The following SETBP1 variants were observed in gnomAD, a reference collection of about 807,000 sequenced individuals.
The protein encoded by SETBP1 is SET binding protein 1.
Under a neutral mutation model 101.0 loss-of-function variants are expected in SETBP1, and 9 were observed. That is an observed-to-expected ratio of 0.09 (90% confidence interval 0.05 to 0.16). SETBP1 has a LOEUF of 0.16. Ranked by LOEUF, SETBP1 falls within the 10% of genes least tolerant of loss-of-function variation. SETBP1 has a pLI of 1.00. For missense variants in SETBP1, 1,858 were observed against 2,033.8 expected (o/e 0.91, Z 1.66); for synonymous variants, 818 against 788.5 (o/e 1.04, Z -0.63).
At position 44,869,281 on chromosome 18, in the gene SETBP1, C is replaced by G; in HGVS notation, c.538C>G (p.Gln180Glu). 1.2e-6 allele frequency: 2 copies of G among 1,613,844 alleles called. No individual in the cohort carries two copies. The highest frequency in any genetic ancestry group is 1.7e-6 in the Non-Finnish European group (2 of 1,179,738). The stretch of plus-strand genomic sequence containing the variant: ...CAGTGACCTCAAAGGATTTCAGCCA[C>G]AGGTAAGTTCCACTGATGCTTTTAA... ...AASDLKGFQPQAYERPQKHST... is the reference protein window; with the variant it reads ...AASDLKGFQPEAYERPQKHST... Residue 180 changes from glutamine to glutamate, a missense_variant and splice_region_variant, in exon 3 of 6, where the codon CAG (glutamine) becomes GAG (glutamate). Physicochemically the swap from Gln to Glu is conservative, Grantham distance 29. Coordinates refer to ENST00000649279, the MANE Select transcript of SETBP1 (RefSeq NM_015559.3).
rs772971136 is a variant in SETBP1, at chr18:44,952,548, C to T, written c.3208C>T (p.Pro1070Ser). 6.2e-7 allele frequency: 1 copy of T among 1,614,082 alleles called. No individual in the cohort carries two copies. Among genetic ancestry groups the T allele is most frequent in the Non-Finnish European group, 8.5e-7 (1 of 1,180,018 alleles). The change falls in exon 4 of 6, where the codon CCA becomes TCA. Residue 1070 changes from proline to serine, a missense_variant. Pro to Ser is a moderately conservative substitution (Grantham distance 74, BLOSUM62 -1). Around this residue, in one of 12 missense-constraint regions of SETBP1, gnomAD observed 255 missense variants for 300.1 expected, o/e 0.85. Coordinates refer to ENST00000649279, the MANE Select transcript of SETBP1 (RefSeq NM_015559.3). ...GAACCTTGGTTATTACGGTCAGTAC[C>T]CAGCTCCTTTGTACCTATCGCACAC... ...MMNLGYYGQY[P>S]APLYLSHTLG... is the part of the protein sequence containing the mutation.
chr18:44,878,809 T>A (rs1180022071), intron 3 of SETBP1, among the ~76,000 whole-genome samples: 1 of 152,148 alleles, frequency 6.6e-6, no homozygotes, highest in Non-Finnish European at 1.5e-5. Flanking sequence ...ACAAAAGACA[T>A]CCATTGAGAG....
intron 3 of SETBP1, among the ~76,000 whole-genome samples, chr18:44,948,360 G>A (rs1428394305): frequency 6.6e-6 from 1 of 152,136 alleles, no homozygotes; most frequent in African/African-American, 2.4e-5. Context: ...TTTCATGACT[G>A]CATTGAATTG....
rs74746630 is a variant in SETBP1, at chr18:44,947,299, A to G, written c.541-2582A>G. On this transcript the variant is annotated intron_variant, in intron 3 of 5. Transcript: ENST00000649279. ...AGGGACTCTGTTAGGTACCAAGAGT[A>G]AGATAATGGAACAGCAGAGAAAAAA... Among the ~76,000 whole-genome samples the G allele has an allele frequency of 2.7e-3, 417 of 152,216 alleles. 1 individual carries two copies. The highest frequency in any genetic ancestry group is 9.6e-3 in the African/African-American group (397 of 41,532).
At chr18:44,973,425 G>T (rs1045483954) in intron 4 of SETBP1, among the ~76,000 whole-genome samples, 1 of 152,148 alleles carries the variant, frequency 6.6e-6, no homozygotes, top group Non-Finnish European at 1.5e-5. Context: ...CTTATTTTGT[G>T]TCAAGGAATC....
intron 4 of SETBP1, among the ~76,000 whole-genome samples, chr18:45,035,944 T>G (rs893948188): frequency 1.3e-5 from 2 of 152,214 alleles, no homozygotes; most frequent in Non-Finnish European, 2.9e-5. Flanking sequence ...CCAGTGCCCA[T>G]AGGCTTCTGG....
chr18:44,951,387 T>G lies in SETBP1; in HGVS notation c.2047T>G (p.Ser683Ala). The change falls in exon 4 of 6, where the codon TCC becomes GCC. Residue 683 changes from serine to alanine, a missense_variant. Around this residue, in one of 12 missense-constraint regions of SETBP1, gnomAD observed 111 missense variants for 119.3 expected, o/e 0.93. Coordinates refer to ENST00000649279, the MANE Select transcript of SETBP1 (RefSeq NM_015559.3). This position sits in a 1 kb window ranked among gnomAD's most constrained non-coding sequence, Gnocchi z 7.8. ...GAAAAACATCTTGAATCAGATCTTG[T>G]CCTGTTCCAGCAGCGTTGCTCTGAA... ...KRKNILNQILSCSSSVALKAK... is the reference protein window; with the variant it reads ...KRKNILNQILACSSSVALKAK... 6.2e-7 allele frequency: 1 copy of G among 1,614,084 alleles called. No individual in the cohort carries two copies. The highest frequency in any genetic ancestry group is 8.5e-7 in the Non-Finnish European group (1 of 1,180,032).
At chr18:44,719,770 A>G (rs1179818333) in intron 2 of SETBP1, among the ~76,000 whole-genome samples, 3 of 152,186 alleles carry the variant, frequency 2.0e-5, no homozygotes, top group Non-Finnish European at 4.4e-5. Flanking sequence ...CCCTGATTGC[A>G]GGAGCAGCAG....
intron 2 of SETBP1, among the ~76,000 whole-genome samples, chr18:44,837,428 A>G (rs913076295): frequency 6.6e-6 from 1 of 152,234 alleles, no homozygotes; most frequent in East Asian, 1.9e-4. Flanking sequence ...TGTATGAAGT[A>G]TGTTAAATGC....
At chr18:44,826,987 G>A (rs2072253013) in intron 2 of SETBP1, among the ~76,000 whole-genome samples, 1 of 152,158 alleles carries the variant, frequency 6.6e-6, no homozygotes. Flanking sequence ...TCCAATGCAG[G>A]CTAAGAATGC....
intron 2 of SETBP1, among the ~76,000 whole-genome samples, chr18:44,769,896 T>C (rs528488783): frequency 6.6e-6 from 1 of 152,300 alleles, no homozygotes; most frequent in African/African-American, 2.4e-5. Context: ...ATCTAGACCA[T>C]GTACATGAAG....
At chr18:44,934,773 A>T (rs943189525) in intron 3 of SETBP1, among the ~76,000 whole-genome samples, 12 of 152,186 alleles carry the variant, frequency 7.9e-5, no homozygotes, top group African/African-American at 2.6e-4. Context: ...TAATATTTGG[A>T]CTCAGCTCAG....
At chr18:44,976,856 T>A (rs2071999320) in intron 4 of SETBP1, among the ~76,000 whole-genome samples, 1 of 152,176 alleles carries the variant, frequency 6.6e-6, no homozygotes, top group South Asian at 2.1e-4. Context: ...ATATAGGAAG[T>A]GCTCAAAAAG....
intron 2 of SETBP1, among the ~76,000 whole-genome samples, chr18:44,791,425 C>CAT (rs2071369015): frequency 6.6e-6 from 1 of 152,212 alleles, no homozygotes; most frequent in South Asian, 2.1e-4. Flanking sequence ...CATACACACA[C>CAT]ATATATACAT....
intron 4 of SETBP1, among the ~76,000 whole-genome samples, chr18:45,005,234 C>G (rs2072699751): frequency 6.6e-6 from 1 of 152,172 alleles, no homozygotes; most frequent in African/African-American, 2.4e-5. Context: ...CCTTAAAAGT[C>G]TCCCAAATTA....
chr18:44,967,883 T>C (rs1490696513), intron 4 of SETBP1, among the ~76,000 whole-genome samples: 1 of 152,180 alleles, frequency 6.6e-6, no homozygotes, highest in Non-Finnish European at 1.5e-5. Context: ...ATGCCATTTC[T>C]CTCTCTCAGA....
intron 2 of SETBP1, among the ~76,000 whole-genome samples, chr18:44,753,257 G>T (rs974987547): frequency 6.6e-6 from 1 of 152,110 alleles, no homozygotes; most frequent in Non-Finnish European, 1.5e-5. Context: ...CCCACCATGG[G>T]TTCATCACAG....
intron 3 of SETBP1, among the ~76,000 whole-genome samples, chr18:44,898,039 A>C (rs1261654657): frequency 6.6e-6 from 1 of 152,164 alleles, no homozygotes; most frequent in Non-Finnish European, 1.5e-5. Context: ...TAGTGCCCAG[A>C]CTTCTGAGGA....
chr18:44,971,966 A>T (rs964485359), intron 4 of SETBP1, among the ~76,000 whole-genome samples: 1 of 152,100 alleles, frequency 6.6e-6, no homozygotes, highest in Admixed American at 6.5e-5. Flanking sequence ...CTATGTCCTG[A>T]ATGGTATTGC....
Sources: allele counts gnomAD v4.1 joint callset (sites outside exome capture counted in the v4.1 genomes callset), GRCh38; gene constraint gnomAD v4.1.1; regional missense constraint gnomAD v4.1.1; non-coding constraint Gnocchi (gnomAD v3.1); transcripts MANE v1.5; gene names NCBI Gene and HGNC (gene_info 2026-07-23, HGNC 2026-07-21).